Variants in PRKN observed in about 807,000 individuals in gnomAD.
The protein encoded by PRKN is parkin RBR E3 ubiquitin protein ligase, also known as E3 ubiquitin-protein ligase parkin.
In PRKN, 56 loss-of-function variants were observed where a neutral mutation model predicts 59.5. The ratio of observed to expected loss-of-function variants is 0.94; its 90% CI spans 0.76 to 1.18. The LOEUF is 1.18. PRKN is among the 50% of genes most tolerant of loss of function. The pLI is 0.00. For synonymous variants in PRKN, 250 were observed against 222.1 expected (o/e 1.13, Z -1.12); for missense variants, 657 against 596.4 (o/e 1.10, Z -1.06).
chr6:161,871,956 A>G (rs1794358983), intron 6 of PRKN, among the ~76,000 whole-genome samples: 1 of 152,114 alleles, frequency 6.6e-6, no homozygotes. Context: ...TAATCCTCTC[A>G]TTTAATTTTC....
At chr6:161,910,483 A>G (rs1390161689) in intron 6 of PRKN, among the ~76,000 whole-genome samples, 2 of 152,036 alleles carry the variant, frequency 1.3e-5, no homozygotes, top group Non-Finnish European at 2.9e-5. Context: ...TCAAACTCCC[A>G]ACCTCAGGTG....
intron 5 of PRKN, among the ~76,000 whole-genome samples, chr6:161,988,752 CA>C (rs200290708): frequency 4.0e-5 from 6 of 150,354 alleles, no homozygotes; most frequent in Non-Finnish European, 8.9e-5. Context: ...AAGCGGAACC[CA>C]AAAAAAAATT....
At chr6:162,396,604 CTGGACCCG>C (rs1787486946) in intron 2 of PRKN, among the ~76,000 whole-genome samples, 1 of 152,182 alleles carries the variant, frequency 6.6e-6, no homozygotes, top group South Asian at 2.1e-4. Context: ...CAGACCCACT[CTGGACCCG>C]TCGCTTGTGT....
intron 1 of PRKN, among the ~76,000 whole-genome samples, chr6:162,587,501 T>G (rs1781111909): frequency 6.6e-6 from 1 of 152,118 alleles, no homozygotes; most frequent in Non-Finnish European, 1.5e-5. Flanking sequence ...TCTCACTTCT[T>G]GACCTGGTAG....
chr6:162,235,958 G>GAAGGAAGAAAGA (rs1778658214), intron 3 of PRKN, among the ~76,000 whole-genome samples: 6 of 92,600 alleles, frequency 6.5e-5, no homozygotes, highest in African/African-American at 1.6e-4. Context: ...AGGAAGAAAG[G>GAAGGAAGAAAGA]AAGAAAGAAA....
In PRKN at chr6:162,217,410, T is replaced by G. The variant is rs115040057; in HGVS notation, c.413-16158A>C. Among the ~76,000 whole-genome samples the G allele has an allele frequency of 3.3e-3, 502 of 152,294 alleles. 4 individuals carry two copies. Among genetic ancestry groups the G allele is most frequent in the African/African-American group, 0.012 (486 of 41,564 alleles). ...TTGTCTGTTTGTTTGAGACACAGTCTCCCTCTGTTGCCCAGCCTGGAGTGC... is the reference window on the plus strand; with the variant it reads ...TTGTCTGTTTGTTTGAGACACAGTCGCCCTCTGTTGCCCAGCCTGGAGTGC... On this transcript the variant is annotated intron_variant, in intron 3 of 11. Transcript: ENST00000366898.
rs1298734346 is a variant in PRKN, at chr6:161,454,319, G to A, written c.1084-67442C>T. ...TGTGAAAGAAAGACCTCAGGCTCAC[G>A]TTATTAGATCCTTGGGTAATTCTCC... On this transcript the variant is annotated intron_variant, in intron 9 of 11. Transcript: ENST00000366898. This position sits in a 1 kb window ranked among gnomAD's most constrained non-coding sequence, Gnocchi z 4.6. Among the ~76,000 whole-genome samples, 2 of 152,288 alleles carry A rather than the reference G, an allele frequency of 1.3e-5. No homozygotes were observed. The highest frequency in any genetic ancestry group is 2.4e-5 in the African/African-American group (1 of 41,562).
chr6:161,903,086 A>AG (rs1166852877), intron 6 of PRKN, among the ~76,000 whole-genome samples: 1 of 152,178 alleles, frequency 6.6e-6, no homozygotes, highest in East Asian at 1.9e-4. Context: ...TTGTCTTTAA[A>AG]GGCAGATGTC....
intron 1 of PRKN, among the ~76,000 whole-genome samples, chr6:162,689,406 A>G (rs961574081): frequency 2.0e-5 from 3 of 152,180 alleles, no homozygotes; most frequent in Non-Finnish European, 4.4e-5. Context: ...CTAGGCTTCT[A>G]TTGCCTGTTA....
At chr6:161,513,943 C>T (rs916520868) in intron 9 of PRKN, among the ~76,000 whole-genome samples, 1 of 152,082 alleles carries the variant, frequency 6.6e-6, no homozygotes, top group East Asian at 1.9e-4. Flanking sequence ...ATTGAGACAA[C>T]CAACGTGCCA....
In PRKN at chr6:162,682,574, G is replaced by A. The variant is rs539575023; in HGVS notation, c.7+45088C>T. On this transcript the variant is annotated intron_variant, in intron 1 of 11. Coordinates refer to ENST00000366898, the MANE Select transcript of PRKN (RefSeq NM_004562.3). ...CATTGAATACACATAGACACAAAGAGGGGAACAACAGGTACTGGGGCCTAC... is the reference window on the plus strand; with the variant it reads ...CATTGAATACACATAGACACAAAGAAGGGAACAACAGGTACTGGGGCCTAC... Among the ~76,000 whole-genome samples, 9 of 152,188 alleles carry A rather than the reference G, an allele frequency of 5.9e-5. No homozygotes were observed. In the East Asian group the frequency reaches 1.5e-3, roughly 26 times the overall value.
At chr6:162,585,687 AC>A (rs923610936) in intron 1 of PRKN, among the ~76,000 whole-genome samples, 1 of 149,862 alleles carries the variant, frequency 6.7e-6, no homozygotes. Context: ...TCATAGACTT[AC>A]ATTATTATTA....
chr6:161,903,097 C>A (rs9458415), intron 6 of PRKN, among the ~76,000 whole-genome samples: 28,521 of 152,036 alleles, frequency 0.19, 3,222 homozygotes, highest in African/African-American at 0.32. Flanking sequence ...GGCAGATGTC[C>A]GAAGTTGCCC....
rs922293939 is a variant in PRKN, at chr6:161,518,022, A to G, written c.1083+30832T>C. ...CTATTATTTCCTCGGGGAGACTGGC[A>G]GAAGTTGGCTGCACAGTGGCTTCAA... is the stretch of plus-strand genomic sequence containing the variant. On this transcript the variant is annotated intron_variant, in intron 9 of 11. Coordinates refer to ENST00000366898, the MANE Select transcript of PRKN (RefSeq NM_004562.3). The surrounding 1 kb of genome is among the most constrained non-coding windows in gnomAD (Gnocchi z 5.0). 6.6e-6 allele frequency among the ~76,000 whole-genome samples: 1 copy of G among 152,204 alleles called. No individual in the cohort carries two copies. Among genetic ancestry groups the G allele is most frequent in the African/African-American group, 2.4e-5 (1 of 41,448 alleles).
At chr6:162,563,826 ATAAT>A (rs557180545) in intron 1 of PRKN, among the ~76,000 whole-genome samples, 6 of 152,224 alleles carry the variant, frequency 3.9e-5, no homozygotes, top group Non-Finnish European at 8.8e-5. Flanking sequence ...AGAGAATGAA[ATAAT>A]TAAAAAGAAT....
intron 7 of PRKN, among the ~76,000 whole-genome samples, chr6:161,627,905 A>T (rs1250353275): frequency 6.6e-6 from 1 of 152,234 alleles, no homozygotes; most frequent in Non-Finnish European, 1.5e-5. Context: ...ATGATGCCCT[A>T]AAATGTCTCT....
chr6:162,544,770 C>T (rs557771476), intron 1 of PRKN, among the ~76,000 whole-genome samples: 351 of 148,076 alleles, frequency 2.4e-3, no homozygotes, highest in Middle Eastern at 7.0e-3. Context: ...CTCCGCCTCC[C>T]GGGTTGAAGC....
In PRKN at chr6:162,293,011, C is replaced by T. The variant is rs544969642; in HGVS notation, c.172-30246G>A. 6.8e-4 allele frequency among the ~76,000 whole-genome samples: 103 copies of T among 152,234 alleles called. 2 individuals carry two copies. Among genetic ancestry groups the T allele is most frequent in the African/African-American group, 2.1e-3 (86 of 41,530 alleles). ...AAGGGCAAGGAGGAGGTCAAAGAGA[C>T]TTTCTGAGAATAACAGTATTTCCAA... is the stretch of plus-strand genomic sequence containing the variant. On this transcript the variant is annotated intron_variant, in intron 2 of 11. Transcript: ENST00000366898.
intron 9 of PRKN, among the ~76,000 whole-genome samples, chr6:161,477,812 T>C (rs1791182765): frequency 6.6e-6 from 1 of 152,184 alleles, no homozygotes; most frequent in Non-Finnish European, 1.5e-5. Flanking sequence ...TGAAGACGGC[T>C]CATGCAGGCC....
Sources: gnomAD v4.1 joint callset for allele counts (sites outside exome capture counted in the v4.1 genomes callset) on GRCh38, gnomAD v4.1.1 for gene constraint, Gnocchi (gnomAD v3.1) non-coding constraint, MANE v1.5 for transcripts, NCBI Gene and HGNC (gene_info 2026-07-23, HGNC 2026-07-21) for gene names.